Variants in EDAR observed in about 807,000 individuals in gnomAD.
The protein encoded by EDAR is ectodysplasin A receptor.
EDAR carries 38 observed loss-of-function variants against 51.3 expected under a neutral mutation model. That is an observed-to-expected ratio of 0.74 (90% CI 0.57 to 0.97). EDAR has a LOEUF of 0.97. Among genes scored for constraint, EDAR ranks in the 50% least tolerant of loss-of-function variants. The pLI, the probability that EDAR is intolerant of heterozygous loss-of-function variation, is 0.00. For missense variants in EDAR, 528 were observed against 595.0 expected (o/e 0.89, Z 1.17); for synonymous variants, 227 against 242.1 (o/e 0.94, Z 0.58).
intron 1 of EDAR, among the ~76,000 whole-genome samples, chr2:108,947,081 G>T (rs1183146811): frequency 6.6e-6 from 1 of 152,210 alleles, no homozygotes; most frequent in South Asian, 2.1e-4. Flanking sequence ...CAGCCATTGA[G>T]TTTCCATTCC....
chr2:108,904,403 A>G (rs1340994162), intron 11 of EDAR, among the ~76,000 whole-genome samples: 1 of 152,236 alleles, frequency 6.6e-6, no homozygotes, highest in Non-Finnish European at 1.5e-5. Context: ...ACGGTTTGGC[A>G]GTTTTTTAAA....
chr2:108,924,945 A>T (rs1697225499), intron 4 of EDAR, among the ~76,000 whole-genome samples: 1 of 152,212 alleles, frequency 6.6e-6, no homozygotes, highest in South Asian at 2.1e-4. Context: ...GCCCACGCTG[A>T]CACTTCTGAG....
chr2:108,969,420 C>T lies in EDAR; in HGVS notation c.-19+19540G>A, dbSNP rs146799890. Among the ~76,000 whole-genome samples, 89 of 152,256 alleles carry T rather than the reference C, an allele frequency of 5.8e-4. 3 individuals carry two copies. The South Asian group carries it at 0.012, about 21-fold the overall frequency. On this transcript the variant is annotated intron_variant, in intron 1 of 11. Transcript: ENST00000258443. ...GAGAGGAGAACGATTAATGAACTCA[C>T]GAATCAAGCATTTTTCAAATGTTTA...
chr2:108,953,444 T>C (rs1315684522), intron 1 of EDAR, among the ~76,000 whole-genome samples: 2 of 152,128 alleles, frequency 1.3e-5, no homozygotes, highest in Non-Finnish European at 2.9e-5. Flanking sequence ...ACATCCTCTC[T>C]GCTTGGCCTC....
chr2:108,912,200 G>A (rs1696941090), intron 6 of EDAR, among the ~76,000 whole-genome samples: 2 of 152,184 alleles, frequency 1.3e-5, no homozygotes, highest in Non-Finnish European at 1.5e-5. Context: ...CCAGCTGGAG[G>A]GCTGACTCTG....
chr2:108,960,624 T>C (rs1379673315), intron 1 of EDAR, among the ~76,000 whole-genome samples: 1 of 152,164 alleles, frequency 6.6e-6, no homozygotes, highest in African/African-American at 2.4e-5. Context: ...ATTTTCCTGA[T>C]TGTAAAAACA....
chr2:108,899,681 T>G (rs1045425906), intron 11 of EDAR, among the ~76,000 whole-genome samples: 1 of 152,136 alleles, frequency 6.6e-6, no homozygotes. Context: ...TCATTCAAAC[T>G]GGCAAAATAA....
intron 5 of EDAR, among the ~76,000 whole-genome samples, chr2:108,920,532 T>C (rs1033986247): frequency 1.3e-5 from 2 of 152,162 alleles, no homozygotes; most frequent in Admixed American, 1.3e-4. Context: ...TCATCTCTTT[T>C]CACCGGGCTA....
At chr2:108,971,201 A>G (rs934875709) in intron 1 of EDAR, among the ~76,000 whole-genome samples, 1 of 152,104 alleles carries the variant, frequency 6.6e-6, no homozygotes, top group Non-Finnish European at 1.5e-5. Context: ...TCCTTGTTCC[A>G]TGAGGGTGGG....
At chr2:108,950,193 TTCCCTCCCTACCTCCCTCCC>T (rs1399056341) in intron 1 of EDAR, among the ~76,000 whole-genome samples, 1 of 151,738 alleles carries the variant, frequency 6.6e-6, no homozygotes, top group Non-Finnish European at 1.5e-5. Context: ...TTCTCTTTCC[TTCCCTCCCTACCTCCCTCCC>T]TCCCTCCCTT....
intron 1 of EDAR, among the ~76,000 whole-genome samples, chr2:108,983,789 G>T (rs1230798501): frequency 6.6e-6 from 1 of 152,210 alleles, no homozygotes; most frequent in Non-Finnish European, 1.5e-5. Context: ...AACAGGTCTG[G>T]CATGCTGGCC....
chr2:108,963,569 AG>A (rs1698093867), intron 1 of EDAR, among the ~76,000 whole-genome samples: 1 of 152,176 alleles, frequency 6.6e-6, no homozygotes, highest in African/African-American at 2.4e-5. Context: ...CACAGTAGTC[AG>A]GTGTGGACAG....
chr2:108,968,186 G>A (rs936806185), intron 1 of EDAR, among the ~76,000 whole-genome samples: 4 of 152,096 alleles, frequency 2.6e-5, no homozygotes, highest in African/African-American at 9.7e-5. Flanking sequence ...TCTTCTCAAA[G>A]TGGGGTCCAC....
At chr2:108,985,275 G>A (rs1037959599) in intron 1 of EDAR, among the ~76,000 whole-genome samples, 1 of 152,204 alleles carries the variant, frequency 6.6e-6, no homozygotes, top group African/African-American at 2.4e-5. Context: ...CCTCAGGGCT[G>A]TTACTAAGAG....
intron 11 of EDAR, among the ~76,000 whole-genome samples, chr2:108,903,795 C>T (rs1164677966): frequency 6.6e-6 from 1 of 152,036 alleles, no homozygotes; most frequent in Non-Finnish European, 1.5e-5. Flanking sequence ...AAATGTAAAA[C>T]ATAAAAACTA....
At chr2:108,931,146 A>G in intron 1 of EDAR, 114 bp from the exon 2 acceptor site, 2 of 828,094 alleles carry the variant, frequency 2.4e-6, no homozygotes, top group Non-Finnish European at 2.1e-6. Flanking sequence ...CAGAGGGGAA[A>G]CTATACATCC....
intron 1 of EDAR, among the ~76,000 whole-genome samples, chr2:108,964,112 G>T (rs754047692): frequency 1.3e-5 from 2 of 152,162 alleles, no homozygotes; most frequent in African/African-American, 2.4e-5. Flanking sequence ...AAACAGACAC[G>T]TATGGCTGTG....
chr2:108,963,349 C>T (rs1447130466), intron 1 of EDAR, among the ~76,000 whole-genome samples: 1 of 152,210 alleles, frequency 6.6e-6, no homozygotes, highest in Admixed American at 6.5e-5. Context: ...CCTTCAAAAT[C>T]TGTTTCTAGG....
chr2:108,966,233 A>T (rs1574409599), intron 1 of EDAR, among the ~76,000 whole-genome samples: 1 of 152,200 alleles, frequency 6.6e-6, no homozygotes, highest in South Asian at 2.1e-4. Context: ...TCTGCCTTGC[A>T]TGTTGTTGCC....
Sources: allele counts gnomAD v4.1 joint callset (sites outside exome capture counted in the v4.1 genomes callset), GRCh38; gene constraint gnomAD v4.1.1; transcripts MANE v1.5; gene names NCBI Gene and HGNC (gene_info 2026-07-23, HGNC 2026-07-21).